Variants in PTPRD observed in about 807,000 individuals in gnomAD.
PTPRD encodes receptor-type tyrosine-protein phosphatase delta.
In PTPRD, 34 loss-of-function variants were observed where a neutral mutation model predicts 214.5. The observed-to-expected ratio is 0.16, with a 90% CI of 0.12 to 0.21. The LOEUF is 0.21. PTPRD is among the 10% of genes least tolerant of loss of function. PTPRD has a pLI of 1.00. For missense variants in PTPRD, 2,545 were observed against 2,398.7 expected (o/e 1.06, Z -1.27); for synonymous variants, 1,128 against 845.7 (o/e 1.33, Z -5.79).
chr9:8,460,334 G>C (rs2096362220), intron 33 of PTPRD, 77 bp downstream of exon 33: 4 of 1,547,262 alleles, frequency 2.6e-6, no homozygotes, highest in Non-Finnish European at 3.6e-6. Flanking sequence ...AACCACCTAA[G>C]GACAGCAGAA....
chr9:9,373,391 T>C (rs1261310093), intron 9 of PTPRD, among the ~76,000 whole-genome samples: 1 of 152,112 alleles, frequency 6.6e-6, no homozygotes, highest in East Asian at 1.9e-4. Context: ...TGTATTAGTT[T>C]CTTAGTGCTG....
At chr9:9,799,159 T>G (rs996865061) in intron 5 of PTPRD, among the ~76,000 whole-genome samples, 3 of 152,180 alleles carry the variant, frequency 2.0e-5, no homozygotes, top group Non-Finnish European at 2.9e-5. Context: ...TGCAATTAAC[T>G]TCCATATAGC....
intron 5 of PTPRD, chr9:9,803,831 T>C (rs374041237): frequency 5.9e-5 from 9 of 152,118 alleles, no homozygotes; most frequent in East Asian, 3.9e-4. Context: ...GTTAATGAGC[T>C]TGGAGTAGTG....
At chr9:8,581,182 T>C (rs2093042220) in intron 14 of PTPRD, among the ~76,000 whole-genome samples, 1 of 151,760 alleles carries the variant, frequency 6.6e-6, no homozygotes, top group African/African-American at 2.4e-5. Flanking sequence ...GTAGATGCCT[T>C]AGGAATATAT....
At chr9:9,590,416 G>A (rs2092603883) in intron 7 of PTPRD, among the ~76,000 whole-genome samples, 1 of 151,924 alleles carries the variant, frequency 6.6e-6, no homozygotes. Context: ...ATGAAGGTTA[G>A]AAACACTGCT....
At chr9:9,331,677 C>T (rs1268203054) in intron 9 of PTPRD, among the ~76,000 whole-genome samples, 1 of 152,056 alleles carries the variant, frequency 6.6e-6, no homozygotes, top group Non-Finnish European at 1.5e-5. Context: ...CTAATACACG[C>T]AGGTAACATT....
chr9:9,000,280 T>A (rs868572297), intron 11 of PTPRD, among the ~76,000 whole-genome samples: 1 of 152,040 alleles, frequency 6.6e-6, no homozygotes, highest in Non-Finnish European at 1.5e-5. Flanking sequence ...AATTAGGTAA[T>A]CTCCAAATAG....
intron 10 of PTPRD, among the ~76,000 whole-genome samples, chr9:9,170,485 G>C (rs2099912332): frequency 6.6e-6 from 1 of 152,180 alleles, no homozygotes; most frequent in African/African-American, 2.4e-5. Flanking sequence ...AGTCAGTTGA[G>C]TCTAATAGCT....
chr9:10,408,245 T>C (rs2098396429), intron 2 of PTPRD, among the ~76,000 whole-genome samples: 1 of 146,478 alleles, frequency 6.8e-6, no homozygotes, highest in Non-Finnish European at 1.5e-5. Context: ...TATTTTTAAG[T>C]CTCTCTCTCT....
chr9:9,587,468 T>C (rs1356764026), intron 7 of PTPRD, among the ~76,000 whole-genome samples: 2 of 152,182 alleles, frequency 1.3e-5, no homozygotes. Flanking sequence ...CAGATTTATA[T>C]GCTGTTAGAA....
At chr9:9,645,480 T>C (rs980063654) in intron 7 of PTPRD, among the ~76,000 whole-genome samples, 4 of 147,632 alleles carry the variant, frequency 2.7e-5, no homozygotes, top group African/African-American at 9.9e-5. Flanking sequence ...TATATATATA[T>C]TTTCTATTTG....
chr9:8,802,831 A>G (rs980671148), intron 11 of PTPRD, among the ~76,000 whole-genome samples: 1 of 152,172 alleles, frequency 6.6e-6, no homozygotes, highest in African/African-American at 2.4e-5. Flanking sequence ...GTGGGAAGAC[A>G]GCTTGAGCCC....
chr9:8,767,354 T>G (rs548092643), intron 11 of PTPRD, among the ~76,000 whole-genome samples: 1 of 152,226 alleles, frequency 6.6e-6, no homozygotes, highest in South Asian at 2.1e-4. Flanking sequence ...TGACCTCAAG[T>G]GATCCACCCG....
chr9:9,039,242 G>A (rs2099631692), intron 10 of PTPRD, among the ~76,000 whole-genome samples: 1 of 152,086 alleles, frequency 6.6e-6, no homozygotes, highest in Non-Finnish European at 1.5e-5. Context: ...TCAATCAGAA[G>A]GACTGTTAGC....
intron 12 of PTPRD, among the ~76,000 whole-genome samples, chr9:8,696,741 T>C (rs2097918547): frequency 6.6e-6 from 1 of 152,224 alleles, no homozygotes; most frequent in Non-Finnish European, 1.5e-5. Context: ...ACCAACGGCC[T>C]TGTAAGCCAA....
chr9:9,245,581 G>A (rs2099972658), intron 9 of PTPRD, among the ~76,000 whole-genome samples: 2 of 151,646 alleles, frequency 1.3e-5, no homozygotes, highest in Admixed American at 6.6e-5. Context: ...AGAACACTTG[G>A]ACACAGGAAG....
chr9:10,266,538 G>C (rs142241280), intron 3 of PTPRD, among the ~76,000 whole-genome samples: 2 of 151,946 alleles, frequency 1.3e-5, no homozygotes, highest in Admixed American at 1.3e-4. Flanking sequence ...AAAGAAATCC[G>C]GTTAATGTTA....
chr9:8,356,810 C>A (rs991344849), intron 39 of PTPRD, among the ~76,000 whole-genome samples: 1 of 152,054 alleles, frequency 6.6e-6, no homozygotes, highest in Admixed American at 6.6e-5. Flanking sequence ...TAACTAAATA[C>A]GTGTGCATAA....
intron 7 of PTPRD, among the ~76,000 whole-genome samples, chr9:9,640,376 T>A (rs1279448023): frequency 1.3e-5 from 2 of 152,196 alleles, no homozygotes; most frequent in African/African-American, 2.4e-5. Context: ...AGACCCTGTG[T>A]GAAAGCAATG....
Sources: gnomAD v4.1 joint callset for allele counts (sites outside exome capture counted in the v4.1 genomes callset) on GRCh38, gnomAD v4.1.1 for gene constraint, MANE v1.5 for transcripts, NCBI Gene and HGNC (gene_info 2026-07-23, HGNC 2026-07-21) for gene names.